MMP16: variants seen among roughly 807,000 people sequenced by gnomAD.
MMP16 encodes the protein matrix metalloproteinase-16.
MMP16 carries 12 observed loss-of-function variants against 67.8 expected under a neutral mutation model. The ratio of observed to expected loss-of-function variants is 0.18; its 90% CI spans 0.11 to 0.29. MMP16 has a LOEUF of 0.29. Among genes scored for constraint, MMP16 ranks in the 10% least tolerant of loss-of-function variants. MMP16 has a pLI of 1.00. For synonymous variants in MMP16, 249 were observed against 255.9 expected, an observed-to-expected ratio of 0.97 and a Z score of 0.26; for missense variants, 475 against 765.7, an observed-to-expected ratio of 0.62 and a Z score of 4.48.
At chr8:88,073,964 A>G (rs1043256320) in intron 7 of MMP16, among the ~76,000 whole-genome samples, 3 of 152,170 alleles carry the variant, frequency 2.0e-5, no homozygotes, top group Non-Finnish European at 4.4e-5. Context: ...TTTCACAGAT[A>G]TAAGATTTGT....
At chr8:88,063,288 A>G (rs1303712711) in intron 7 of MMP16, among the ~76,000 whole-genome samples, 1 of 151,994 alleles carries the variant, frequency 6.6e-6, no homozygotes, top group Non-Finnish European at 1.5e-5. Flanking sequence ...CTCCTATTCA[A>G]TGTCTGTTTA....
chr8:88,076,459 C>T (rs910422974), intron 6 of MMP16, among the ~76,000 whole-genome samples: 4 of 152,114 alleles, frequency 2.6e-5, no homozygotes, highest in African/African-American at 7.2e-5. Flanking sequence ...GTCCCAGCCA[C>T]GTATCTCATT....
At chr8:88,051,263 C>T (rs1160863851) in intron 8 of MMP16, among the ~76,000 whole-genome samples, 1 of 152,104 alleles carries the variant, frequency 6.6e-6, no homozygotes, top group East Asian at 1.9e-4. Flanking sequence ...CTGAGTTCTT[C>T]CCCCTGAAAA....
At chr8:88,227,025 C>A (rs545600166) in intron 1 of MMP16, among the ~76,000 whole-genome samples, 6 of 151,762 alleles carry the variant, frequency 4.0e-5, no homozygotes, top group African/African-American at 1.5e-4. Flanking sequence ...TACAAATAAA[C>A]AAAAGTGATC....
At chr8:88,223,876 TTGATA>T (rs1809726673) in intron 1 of MMP16, among the ~76,000 whole-genome samples, 1 of 151,938 alleles carries the variant, frequency 6.6e-6, no homozygotes, top group Non-Finnish European at 1.5e-5. Context: ...CCAGGAAATA[TTGATA>T]TGGACCTGAA....
intron 7 of MMP16, among the ~76,000 whole-genome samples, chr8:88,067,464 T>C (rs1281938926): frequency 6.6e-6 from 1 of 152,126 alleles, no homozygotes; most frequent in Non-Finnish European, 1.5e-5. Flanking sequence ...TGACATTCAA[T>C]AAATTTAATG....
At chr8:88,241,081 G>GTT (rs569535346) in intron 1 of MMP16, among the ~76,000 whole-genome samples, 9 of 139,614 alleles carry the variant, frequency 6.4e-5, no homozygotes, top group African/African-American at 1.8e-4. Flanking sequence ...GTTTTGTTTT[G>GTT]TTTTTTTTTT....
chr8:88,143,084 C>T (rs558506065), intron 4 of MMP16, among the ~76,000 whole-genome samples: 2 of 152,064 alleles, frequency 1.3e-5, no homozygotes, highest in Middle Eastern at 3.4e-3. Flanking sequence ...CTAAAAAGAA[C>T]AAGGCAGGCA....
At chr8:88,084,244 A>T (rs1442285778) in intron 6 of MMP16, among the ~76,000 whole-genome samples, 1 of 152,032 alleles carries the variant, frequency 6.6e-6, no homozygotes, top group Non-Finnish European at 1.5e-5. Flanking sequence ...CAACACAAAT[A>T]GCTAGGCATT....
intron 1 of MMP16, among the ~76,000 whole-genome samples, chr8:88,217,562 T>A (rs1809614386): frequency 1.3e-5 from 2 of 152,070 alleles, no homozygotes; most frequent in South Asian, 4.1e-4. Context: ...GGAACTGGCT[T>A]CATCATCTTA....
At chr8:88,245,027 T>G (rs1371362434) in intron 1 of MMP16, among the ~76,000 whole-genome samples, 1 of 151,972 alleles carries the variant, frequency 6.6e-6, no homozygotes, top group African/African-American at 2.4e-5. Context: ...AGGCCCAGAC[T>G]GATGTAAATT....
In MMP16 at chr8:88,086,262, T is replaced by C. The variant is rs536318207; in HGVS notation, c.1084-11519A>G. 2.0e-5 allele frequency among the ~76,000 whole-genome samples: 3 copies of C among 151,980 alleles called. No individual in the cohort carries two copies. The South Asian group carries it at 6.2e-4, about 31-fold the overall frequency. On this transcript the variant is annotated intron_variant, in intron 6 of 9. Transcript: ENST00000286614. ...CAATCACTAAAAAGTTTACCATCGA[T>C]GTACTGCAGTTAGGGAAAGTAGTCA...
At position 88,135,754 on chromosome 8, in the gene MMP16, A is replaced by G. The variant is rs565385490; in HGVS notation, c.710-16893T>C. ...ATAATACCAGGTTTCTGGTTTGGAC[A>G]ATTACATGATGATATATTAACAAAG... On this transcript the variant is annotated intron_variant, in intron 4 of 9. Coordinates refer to ENST00000286614, the MANE Select transcript of MMP16 (RefSeq NM_005941.5). 2.0e-4 allele frequency among the ~76,000 whole-genome samples: 31 copies of G among 152,050 alleles called. No homozygotes were observed. In the South Asian group the frequency reaches 4.6e-3, roughly 22 times the overall value.
At chr8:88,258,590 A>T (rs1205030181) in intron 1 of MMP16, among the ~76,000 whole-genome samples, 1 of 152,220 alleles carries the variant, frequency 6.6e-6, no homozygotes, top group Non-Finnish European at 1.5e-5. Flanking sequence ...TAGGCCTTTT[A>T]AGCAAAAATG....
chr8:88,155,059 G>T (rs1808485783), intron 4 of MMP16, among the ~76,000 whole-genome samples: 1 of 152,012 alleles, frequency 6.6e-6, no homozygotes, highest in Admixed American at 6.6e-5. Context: ...GTTGAAGGAT[G>T]AGTATGTGAA....
At chr8:88,104,891 A>C (rs79648450) in intron 6 of MMP16, among the ~76,000 whole-genome samples, 12,439 of 151,560 alleles carry the variant, frequency 0.082, 592 homozygotes, top group East Asian at 0.18. Context: ...AAAAAACACA[A>C]AACATTTTCA....
At chr8:88,160,478 G>C (rs926644427) in intron 4 of MMP16, among the ~76,000 whole-genome samples, 3 of 152,002 alleles carry the variant, frequency 2.0e-5, no homozygotes, top group Admixed American at 2.0e-4. Context: ...CAAAGGACAT[G>C]AACAGACACC....
chr8:88,062,118 A>C lies in MMP16; in HGVS notation c.1223-5840T>G, dbSNP rs139000012. On this transcript the variant is annotated intron_variant, in intron 7 of 9. Transcript: ENST00000286614. Reference sequence around the variant, plus strand: ...ATGAGTGATAACATTTAATTTTCTGAGTGTTTATTGAGAAAATACAATTAT... The same window carrying C: ...ATGAGTGATAACATTTAATTTTCTGCGTGTTTATTGAGAAAATACAATTAT... Among the ~76,000 whole-genome samples, 874 of 152,182 alleles carry C rather than the reference A, an allele frequency of 5.7e-3. 5 individuals carry two copies. Among genetic ancestry groups the C allele is most frequent in the African/African-American group, 0.02 (836 of 41,538 alleles).
At chr8:88,042,256 C>T (rs1808143186) in intron 9 of MMP16, among the ~76,000 whole-genome samples, 1 of 152,138 alleles carries the variant, frequency 6.6e-6, no homozygotes, top group Non-Finnish European at 1.5e-5. Context: ...ATGATAAAGT[C>T]GCTTCTCTAT....
Sources: gnomAD v4.1 joint callset for allele counts (sites outside exome capture counted in the v4.1 genomes callset) on GRCh38, gnomAD v4.1.1 for gene constraint, MANE v1.5 for transcripts, NCBI Gene and HGNC (gene_info 2026-07-23, HGNC 2026-07-21) for gene names.